The following PRMT8 variants were observed in gnomAD, a reference collection of about 807,000 sequenced individuals.
PRMT8 encodes the protein protein arginine N-methyltransferase 8.
In PRMT8, 7 loss-of-function variants were observed where a neutral mutation model predicts 47.1. That is an observed-to-expected ratio of 0.15 (90% CI 0.08 to 0.28). The LOEUF is 0.28. Ranked by LOEUF, PRMT8 falls within the 10% of genes least tolerant of loss-of-function variation. PRMT8 has a pLI of 1.00. For missense variants in PRMT8, 237 were observed against 505.4 expected (o/e 0.47, Z 5.09); for synonymous variants, 188 against 186.5 (o/e 1.01, Z -0.07).
rs571930060 is a variant in PRMT8, at chr12:3,580,493, G to A, written c.829-2565G>A. On this transcript the variant is annotated intron_variant, in intron 7 of 9. Transcript: ENST00000382622. This position sits in a 1 kb window ranked among gnomAD's most constrained non-coding sequence, Gnocchi z 4.6. ...GATGAACCTGAGTTACGAAAGAGGG[G>A]CCTAGGCAAAGAAGTAAGTCTTCAA... Among the ~76,000 whole-genome samples, 4 of 152,188 alleles carry A rather than the reference G, an allele frequency of 2.6e-5. No individual in the cohort carries two copies. In the East Asian group the frequency reaches 7.7e-4, roughly 29 times the overall value.
chr12:3,489,649 A>ACAT (rs201230842), upstream of PRMT8, among the ~76,000 whole-genome samples: 1,234 of 152,122 alleles, frequency 8.1e-3, 15 homozygotes, highest in African/African-American at 0.028. Flanking sequence ...CTCCAGATTC[A>ACAT]CATTTATTTT....
intron 1 of PRMT8, among the ~76,000 whole-genome samples, chr12:3,382,738 A>G (rs1864104451): frequency 2.0e-5 from 3 of 152,086 alleles, no homozygotes; most frequent in South Asian, 4.1e-4. Flanking sequence ...CAGTTTATCA[A>G]TTTTTCCTTT....
At chr12:3,458,077 G>C (rs535874684) in intron 1 of PRMT8, among the ~76,000 whole-genome samples, 61 of 152,014 alleles carry the variant, frequency 4.0e-4, no homozygotes, top group Non-Finnish European at 7.2e-4. Context: ...TCTTGACCTC[G>C]TGATCCGCCC....
intron 1 of PRMT8, among the ~76,000 whole-genome samples, chr12:3,470,590 A>G (rs1865151212): frequency 6.7e-6 from 1 of 149,192 alleles, no homozygotes; most frequent in East Asian, 2.0e-4. Context: ...GGTGGGGGGC[A>G]TGGGGCAGGT....
intron 3 of PRMT8, 67 bp from the exon 4 acceptor site, chr12:3,553,584 T>G: frequency 7.5e-7 from 1 of 1,328,780 alleles, no homozygotes; most frequent in Non-Finnish European, 1.1e-6. Flanking sequence ...CTCTATCCAT[T>G]GAATCGGTGT....
intron 1 of PRMT8, among the ~76,000 whole-genome samples, chr12:3,403,617 C>T (rs900920342): frequency 3.3e-5 from 5 of 151,818 alleles, no homozygotes; most frequent in African/African-American, 7.3e-5. Flanking sequence ...CGGTGGCTCA[C>T]GACTGTAATC....
chr12:3,397,508 C>T (rs1175047828), intron 1 of PRMT8, among the ~76,000 whole-genome samples: 1 of 151,018 alleles, frequency 6.6e-6, no homozygotes, highest in African/African-American at 2.4e-5. Context: ...GGGGTGCCTC[C>T]CAGTTAGGCT....
chr12:3,542,093 G>C (rs1451518900), intron 2 of PRMT8, among the ~76,000 whole-genome samples: 1 of 152,174 alleles, frequency 6.6e-6, no homozygotes, highest in African/African-American at 2.4e-5. Flanking sequence ...TGCCATATTT[G>C]TTCCTGCTGG....
intron 2 of PRMT8, among the ~76,000 whole-genome samples, chr12:3,541,919 C>T (rs1866237483): frequency 6.6e-6 from 1 of 152,220 alleles, no homozygotes; most frequent in East Asian, 1.9e-4. Flanking sequence ...CCTCATTCAT[C>T]CTTGACGGTT....
chr12:3,478,046 A>G (rs1159187786), intron 1 of PRMT8, among the ~76,000 whole-genome samples: 3 of 152,120 alleles, frequency 2.0e-5, no homozygotes, highest in East Asian at 1.9e-4. Flanking sequence ...ATAATGCTCT[A>G]AGAGTGTAAA....
intron 1 of PRMT8, among the ~76,000 whole-genome samples, chr12:3,457,867 A>T (rs7135275): frequency 0.32 from 3,338 of 10,554 alleles, 265 homozygotes; most frequent in Non-Finnish European, 0.35. Flanking sequence ...TTTTTTTTTT[A>T]AGACAGCGTT....
chr12:3,491,393 A>C lies in PRMT8; in HGVS notation c.-233A>C. 1 of 1,215,760 alleles carries C rather than the reference A, an allele frequency of 8.2e-7. No individual in the cohort carries two copies. Among genetic ancestry groups the C allele is most frequent in the Non-Finnish European group, 1.0e-6 (1 of 974,696 alleles). The allele number at this position is 1,215,760 out of a possible 1,614,324, so 75.3% of individuals were successfully genotyped here. A position where few individuals can be genotyped will look rare whatever the true frequency, so the allele number is the denominator to read the frequency against. ...CGGGGAGGGGGTCGGGGGCACGAGAAGAACTTGAAACCGTGTGAAGGAATC... is the reference window on the plus strand; with the variant it reads ...CGGGGAGGGGGTCGGGGGCACGAGACGAACTTGAAACCGTGTGAAGGAATC... On this transcript the variant is annotated 5_prime_UTR_variant, in exon 1 of 10. Coordinates refer to ENST00000382622, the MANE Select transcript of PRMT8 (RefSeq NM_019854.5).
intron 1 of PRMT8, among the ~76,000 whole-genome samples, chr12:3,425,565 G>C (rs1042794191): frequency 2.0e-5 from 3 of 152,248 alleles, no homozygotes; most frequent in South Asian, 2.1e-4. Context: ...GCTCATTGCT[G>C]TTGGTTGTAA....
intron 2 of PRMT8, among the ~76,000 whole-genome samples, chr12:3,543,135 C>A (rs76092746): frequency 0.071 from 10,803 of 152,250 alleles, 597 homozygotes; most frequent in Non-Finnish European, 0.1. Flanking sequence ...GCTTAGCAGC[C>A]TTCCCATTGG....
At chr12:3,511,884 G>T (rs1865719937) in intron 1 of PRMT8, among the ~76,000 whole-genome samples, 1 of 152,216 alleles carries the variant, frequency 6.6e-6, no homozygotes, top group African/African-American at 2.4e-5. Flanking sequence ...AGTGTGTAGT[G>T]CTGGACCATT....
chr12:3,395,519 G>T (rs1316759730), intron 1 of PRMT8, among the ~76,000 whole-genome samples: 1 of 152,016 alleles, frequency 6.6e-6, no homozygotes, highest in Non-Finnish European at 1.5e-5. Context: ...TAGTTGAGTG[G>T]TTTTGAGCGA....
At chr12:3,590,452 G>A (rs1867273311) in intron 8 of PRMT8, among the ~76,000 whole-genome samples, 1 of 152,020 alleles carries the variant, frequency 6.6e-6, no homozygotes. Context: ...TATGATTGTG[G>A]GACAGCTCTA....
At chr12:3,417,385 GA>G (rs957211159) in intron 1 of PRMT8, among the ~76,000 whole-genome samples, 1 of 152,218 alleles carries the variant, frequency 6.6e-6, no homozygotes, top group Admixed American at 6.5e-5. Context: ...GTGGAAAAGG[GA>G]GCCATGCAAC....
intron 1 of PRMT8, among the ~76,000 whole-genome samples, chr12:3,506,583 C>A (rs1448816428): frequency 2.0e-5 from 3 of 152,180 alleles, no homozygotes; most frequent in African/African-American, 7.2e-5. Context: ...GGCTGCCTAC[C>A]GCACTCCAGG....
Sources: gnomAD v4.1 joint callset for allele counts (sites outside exome capture counted in the v4.1 genomes callset) on GRCh38, gnomAD v4.1.1 for gene constraint, Gnocchi (gnomAD v3.1) non-coding constraint, MANE v1.5 for transcripts, NCBI Gene and HGNC (gene_info 2026-07-23, HGNC 2026-07-21) for gene names.